The following TIAM1 variants were observed in gnomAD, a reference collection of about 807,000 sequenced individuals.
TIAM1 encodes the protein rho guanine nucleotide exchange factor TIAM1.
Under a neutral mutation model 163.5 loss-of-function variants are expected in TIAM1, and 65 were observed. The observed-to-expected ratio is 0.40, with a 90% CI of 0.33 to 0.49. TIAM1 has a LOEUF of 0.49. Among genes scored for constraint, TIAM1 ranks in the 20% least tolerant of loss-of-function variants. The pLI is 0.77. For missense variants in TIAM1, 1,789 were observed against 2,044.7 expected, an observed-to-expected ratio of 0.87 and a Z score of 2.41; for synonymous variants, 833 against 810.1, an observed-to-expected ratio of 1.03 and a Z score of -0.48.
intron 1 of TIAM1, among the ~76,000 whole-genome samples, chr21:31,471,768 C>A (rs2045748148): frequency 1.3e-5 from 2 of 152,066 alleles, no homozygotes; most frequent in Non-Finnish European, 2.9e-5. Flanking sequence ...GCTCGGGAGG[C>A]TGAGGCAGGA....
chr21:31,219,871 GACAAAC>G (rs2087458625), intron 8 of TIAM1, among the ~76,000 whole-genome samples: 2 of 152,248 alleles, frequency 1.3e-5, no homozygotes, highest in South Asian at 4.1e-4. Context: ...AAAATCACAA[GACAAAC>G]ACACCGTAAA....
At chr21:31,256,186 A>T (rs1868333547) in intron 4 of TIAM1, among the ~76,000 whole-genome samples, 1 of 152,192 alleles carries the variant, frequency 6.6e-6, no homozygotes, top group Non-Finnish European at 1.5e-5. Flanking sequence ...GTAAGGCTCC[A>T]GTTGTTTTGA....
At chr21:31,413,219 T>A (rs1181564793) in intron 2 of TIAM1, among the ~76,000 whole-genome samples, 1 of 152,040 alleles carries the variant, frequency 6.6e-6, no homozygotes, top group African/African-American at 2.4e-5. Flanking sequence ...GGCTTGTGCA[T>A]GTCTTCCTCT....
intron 19 of TIAM1, among the ~76,000 whole-genome samples, chr21:31,147,803 T>C (rs1413898874): frequency 7.0e-6 from 1 of 143,592 alleles, no homozygotes; most frequent in African/African-American, 2.6e-5. Context: ...TATATATATA[T>C]ATGGCCTCAG....
chr21:31,390,451 C>A (rs1375204067), intron 2 of TIAM1, among the ~76,000 whole-genome samples: 1 of 152,124 alleles, frequency 6.6e-6, no homozygotes, highest in Non-Finnish European at 1.5e-5. Flanking sequence ...TTGCCTTTTC[C>A]TATGTATTGA....
chr21:31,246,868 T>C (rs994850006), intron 5 of TIAM1, among the ~76,000 whole-genome samples: 1 of 152,226 alleles, frequency 6.6e-6, no homozygotes, highest in African/African-American at 2.4e-5. Flanking sequence ...CCATGGGCTC[T>C]GCTTACAAGT....
chr21:31,152,596 A>G, intron 19 of TIAM1, 40 bp downstream of exon 19: 3 of 1,607,594 alleles, frequency 1.9e-6, no homozygotes, highest in African/African-American at 2.7e-5. Flanking sequence ...CTTGAGCCAC[A>G]CTATAGCCCT....
intron 1 of TIAM1, among the ~76,000 whole-genome samples, chr21:31,479,870 G>C (rs966125087): frequency 1.3e-5 from 2 of 151,994 alleles, no homozygotes; most frequent in Admixed American, 1.3e-4. Context: ...CCCTCTTTTA[G>C]AAAAGCCATT....
chr21:31,451,550 G>A (rs1188108179), intron 2 of TIAM1, among the ~76,000 whole-genome samples: 1 of 152,120 alleles, frequency 6.6e-6, no homozygotes, highest in Non-Finnish European at 1.5e-5. Context: ...AGCAAATGCG[G>A]TGGCTTGGGA....
At chr21:31,488,064 T>A (rs1379927442) in intron 1 of TIAM1, among the ~76,000 whole-genome samples, 2 of 152,202 alleles carry the variant, frequency 1.3e-5, no homozygotes, top group Non-Finnish European at 2.9e-5. Context: ...CCTCAGGTGA[T>A]CCACCCACTT....
Position 31,154,302 on chromosome 21 carries a change from T to C in TIAM1, c.3116A>G (p.Asp1039Gly). 6.2e-7 allele frequency: 1 copy of C among 1,614,092 alleles called. No individual in the cohort carries two copies. The highest frequency in any genetic ancestry group is 8.5e-7 in the Non-Finnish European group (1 of 1,180,020). The change falls in exon 17 of 28, where the codon GAT becomes GGT. Residue 1039 changes from aspartate to glycine, a missense_variant. This residue lies in a region of TIAM1 where 303 missense variants were observed against 321.3 expected (regional missense o/e 0.94). Coordinates refer to ENST00000541036, the MANE Select transcript of TIAM1 (RefSeq NM_001353694.2). ...LATMRQLSDA[D>G]KLRKVICELL... ...CTCGCAGATCACCTTGCGCAGCTTA[T>C]CTGCATCCGAGAGTTGTCTCATGGT...
chr21:31,297,471 T>C (rs2074324896), intron 2 of TIAM1, among the ~76,000 whole-genome samples: 1 of 152,234 alleles, frequency 6.6e-6, no homozygotes, highest in African/African-American at 2.4e-5. Context: ...CTCGGCTCAC[T>C]GCAATCTCCG....
chr21:31,547,731 ATG>A (rs1317229982), intron 1 of TIAM1, among the ~76,000 whole-genome samples: 1 of 152,242 alleles, frequency 6.6e-6, no homozygotes, highest in Non-Finnish European at 1.5e-5. Flanking sequence ...ATGGTAGACC[ATG>A]CACCACACTT....
intron 2 of TIAM1, among the ~76,000 whole-genome samples, chr21:31,387,553 G>T (rs2076896343): frequency 2.0e-5 from 3 of 151,906 alleles, no homozygotes; most frequent in Non-Finnish European, 4.4e-5. Context: ...ATGGTGTGCA[G>T]GGACACTGTC....
chr21:31,526,398 C>G (rs1042153821), intron 1 of TIAM1, among the ~76,000 whole-genome samples: 8 of 152,202 alleles, frequency 5.3e-5, no homozygotes, highest in African/African-American at 1.9e-4. Flanking sequence ...GTTTCCGTAA[C>G]TATTTTATCT....
At chr21:31,230,780 A>T (rs2300342) in intron 6 of TIAM1, among the ~76,000 whole-genome samples, 2 of 151,896 alleles carry the variant, frequency 1.3e-5, no homozygotes, top group African/African-American at 2.4e-5. Flanking sequence ...GTGATCCGCC[A>T]GCCTCAGCCT....
chr21:31,373,945 C>T (rs2076642976), intron 2 of TIAM1, among the ~76,000 whole-genome samples: 1 of 152,108 alleles, frequency 6.6e-6, no homozygotes, highest in African/African-American at 2.4e-5. Context: ...CTGGAAGCAG[C>T]AGCATCCTCT....
At chr21:31,485,371 A>C (rs889654536) in intron 1 of TIAM1, among the ~76,000 whole-genome samples, 2 of 152,172 alleles carry the variant, frequency 1.3e-5, no homozygotes, top group African/African-American at 4.8e-5. Flanking sequence ...AAGAGGTGGC[A>C]CTACTGGGTG....
rs114315189 is a variant in TIAM1 at position 31,427,164 on chromosome 21, C to T, written c.-369+36819G>A. Reference sequence around the variant, plus strand: ...AATTCCTGGCCTCAAGCAATCCTCCCGCCTTGGCAATATACTATGTCTTTA... The same window carrying T: ...AATTCCTGGCCTCAAGCAATCCTCCTGCCTTGGCAATATACTATGTCTTTA... On this transcript the variant is annotated intron_variant, in intron 2 of 28. Transcript: ENST00000286827. Among the ~76,000 whole-genome samples, 503 of 152,282 alleles carry T rather than the reference C, an allele frequency of 3.3e-3. 1 individual carries two copies. Among genetic ancestry groups the T allele is most frequent in the African/African-American group, 0.011 (476 of 41,556 alleles).
Sources: gnomAD v4.1 joint callset for allele counts (sites outside exome capture counted in the v4.1 genomes callset) on GRCh38, gnomAD v4.1.1 for gene constraint, gnomAD v4.1.1 regional missense constraint, MANE v1.5 for transcripts, NCBI Gene and HGNC (gene_info 2026-07-23, HGNC 2026-07-21) for gene names.